Variants in SLC35F1 observed in about 807,000 individuals in gnomAD.
The protein encoded by SLC35F1 is solute carrier family 35 member F1.
In SLC35F1, 14 loss-of-function variants were observed where a neutral mutation model predicts 48.7. The observed-to-expected ratio is 0.29, with a 90% confidence interval of 0.19 to 0.45. The LOEUF (loss-of-function observed/expected upper bound fraction) is 0.45. Among genes scored for constraint, SLC35F1 ranks in the 20% least tolerant of loss-of-function variants. The pLI is 1.00. For synonymous variants in SLC35F1, 190 were observed against 202.2 expected (o/e 0.94, Z 0.51); for missense variants, 404 against 500.0 (o/e 0.81, Z 1.83).
At chr6:118,168,992 A>G (rs1219558619) in intron 2 of SLC35F1, among the ~76,000 whole-genome samples, 2 of 152,144 alleles carry the variant, frequency 1.3e-5, no homozygotes, top group Non-Finnish European at 2.9e-5. Flanking sequence ...CAAAATATCA[A>G]TTTTTTAACC....
chr6:118,280,062 C>T (rs1464794894), intron 6 of SLC35F1, among the ~76,000 whole-genome samples: 1 of 152,194 alleles, frequency 6.6e-6, no homozygotes, highest in Non-Finnish European at 1.5e-5. Flanking sequence ...TCCTACAACA[C>T]TGGCCAATTG....
intron 1 of SLC35F1, among the ~76,000 whole-genome samples, chr6:118,145,636 G>C (rs1027091258): frequency 3.9e-5 from 6 of 152,050 alleles, no homozygotes; most frequent in Admixed American, 6.5e-5. Flanking sequence ...TTTTAAATAT[G>C]GATTTATTTC....
chr6:118,236,279 C>CTTTTCACAATT (rs1359326085), intron 3 of SLC35F1, among the ~76,000 whole-genome samples: 1 of 152,108 alleles, frequency 6.6e-6, no homozygotes, highest in Non-Finnish European at 1.5e-5. Flanking sequence ...TTTACCTTCG[C>CTTTTCACAATT]TTTTCACAAT....
chr6:117,971,790 G>A (rs1012740215), intron 1 of SLC35F1, among the ~76,000 whole-genome samples: 3 of 152,244 alleles, frequency 2.0e-5, no homozygotes, highest in Non-Finnish European at 4.4e-5. Flanking sequence ...CTGGGACACA[G>A]GGCACCATGT....
At chr6:118,029,728 A>G (rs1435959383) in intron 1 of SLC35F1, among the ~76,000 whole-genome samples, 1 of 152,204 alleles carries the variant, frequency 6.6e-6, no homozygotes, top group Non-Finnish European at 1.5e-5. Context: ...ACAAAATTTT[A>G]TACTGTTTAC....
In SLC35F1 at chr6:118,268,602, T is replaced by TATATA. The variant is rs61026674; in HGVS notation, c.637+1448_637+1449insATATA. On this transcript the variant is annotated intron_variant, in intron 4 of 7. Coordinates refer to ENST00000360388, the MANE Select transcript of SLC35F1 (RefSeq NM_001029858.4). ...TATATATGTATATATATATATATAT[T>TATATA]TTTTTTTTTTTTTTTTTTTTTTTTT... Among the ~76,000 whole-genome samples the TATATA allele has an allele frequency of 6.1e-3, 286 of 46,856 alleles. 1 individual carries two copies. The highest frequency in any genetic ancestry group is 6.6e-3 in the Non-Finnish European group (188 of 28,302). The allele number at this position is 46,856 out of a possible 152,430, so 30.7% of individuals were successfully genotyped here.
At chr6:118,000,127 C>T (rs1004328051) in intron 1 of SLC35F1, among the ~76,000 whole-genome samples, 3 of 152,262 alleles carry the variant, frequency 2.0e-5, no homozygotes, top group Non-Finnish European at 2.9e-5. Context: ...GATACCAAAG[C>T]CTGGCAGAGA....
At chr6:118,231,093 C>T (rs1775288051) in intron 2 of SLC35F1, among the ~76,000 whole-genome samples, 1 of 152,138 alleles carries the variant, frequency 6.6e-6, no homozygotes, top group Non-Finnish European at 1.5e-5. Context: ...TTTATTTCAT[C>T]TGTAAAATTT....
At chr6:118,022,747 ATTTTT>A (rs34879607) in intron 1 of SLC35F1, among the ~76,000 whole-genome samples, 9 of 120,644 alleles carry the variant, frequency 7.5e-5, no homozygotes, top group Non-Finnish European at 1.3e-4. Context: ...AGCTTGGACA[ATTTTT>A]TTTTTTTTTT....
intron 1 of SLC35F1, among the ~76,000 whole-genome samples, chr6:118,128,554 C>T (rs529394513): frequency 1.3e-3 from 205 of 151,974 alleles, no homozygotes; most frequent in African/African-American, 4.7e-3. Context: ...AGTAAACTAT[C>T]GCAAGGACAA....
intron 2 of SLC35F1, among the ~76,000 whole-genome samples, chr6:118,212,074 G>A (rs768948082): frequency 1.3e-5 from 2 of 152,126 alleles, no homozygotes; most frequent in East Asian, 1.9e-4. Flanking sequence ...CATTCTTGGT[G>A]TAACTTTATT....
rs373553830 is a variant in SLC35F1, at chr6:118,234,526, C to A, written c.350-983C>A. ...TCATTTCTTCAGATGACACTGCATT[C>A]CCGGTTGACAACTGGCTGCAACTTA... On this transcript the variant is annotated intron_variant, in intron 2 of 7. Transcript: ENST00000360388. 4.3e-4 allele frequency among the ~76,000 whole-genome samples: 66 copies of A among 152,294 alleles called. No homozygotes were observed. The South Asian group carries it at 0.012, about 27-fold the overall frequency.
At chr6:117,989,106 C>G (rs1245846851) in intron 1 of SLC35F1, among the ~76,000 whole-genome samples, 3 of 152,158 alleles carry the variant, frequency 2.0e-5, no homozygotes, top group African/African-American at 7.2e-5. Context: ...TCAGTGACTT[C>G]TCATAGGTCA....
At chr6:117,971,184 C>T (rs564393608) in intron 1 of SLC35F1, among the ~76,000 whole-genome samples, 2 of 152,306 alleles carry the variant, frequency 1.3e-5, no homozygotes, top group African/African-American at 2.4e-5. Context: ...AACAAAGGGG[C>T]TACAGGCCTC....
intron 1 of SLC35F1, among the ~76,000 whole-genome samples, chr6:117,993,526 A>G (rs4245489): frequency 0.99 from 151,417 of 152,288 alleles, 75,281 homozygotes; most frequent in Middle Eastern, 1. Flanking sequence ...AGTGAGCAAG[A>G]AGGAAGCCTT....
At position 117,914,630 on chromosome 6, in the gene SLC35F1, C is replaced by T. The variant is rs78627403; in HGVS notation, c.173+6731C>T. Among the ~76,000 whole-genome samples the T allele has an allele frequency of 8.8e-3, 1,339 of 152,260 alleles. 8 individuals carry two copies. Among genetic ancestry groups the T allele is most frequent in the Non-Finnish European group, 0.013 (888 of 68,012 alleles). The stretch of plus-strand genomic sequence containing the variant: ...CCTCTGGGTGCCATTGGTGGAGTTT[C>T]TGTTATTACCCTTTGAATATAACCC... On this transcript the variant is annotated intron_variant, in intron 1 of 7. Transcript: ENST00000360388.
At chr6:118,253,830 G>T (rs909704551) in intron 3 of SLC35F1, among the ~76,000 whole-genome samples, 1 of 152,056 alleles carries the variant, frequency 6.6e-6, no homozygotes, top group African/African-American at 2.4e-5. Flanking sequence ...GTAGCTTGAG[G>T]AATGAATGGA....
At chr6:118,234,968 A>G (rs762923334) in intron 2 of SLC35F1, among the ~76,000 whole-genome samples, 6 of 152,200 alleles carry the variant, frequency 3.9e-5, no homozygotes, top group Admixed American at 3.3e-4. Flanking sequence ...TCTGAGAGTG[A>G]TGCCCCAACT....
At chr6:118,189,219 A>T (rs1372423616) in intron 2 of SLC35F1, among the ~76,000 whole-genome samples, 1 of 152,148 alleles carries the variant, frequency 6.6e-6, no homozygotes, top group African/African-American at 2.4e-5. Flanking sequence ...TCCAACTTAC[A>T]TTCTTACCAG....
Sources: allele counts gnomAD v4.1 joint callset (sites outside exome capture counted in the v4.1 genomes callset), GRCh38; gene constraint gnomAD v4.1.1; transcripts MANE v1.5; gene names NCBI Gene and HGNC (gene_info 2026-07-23, HGNC 2026-07-21).